Variants in PHF20 observed in about 807,000 individuals in gnomAD.
PHF20 encodes the protein PHD finger protein 20, also known as glioma-expressed antigen 2.
PHF20 carries 23 observed loss-of-function variants against 113.5 expected under a neutral mutation model. The ratio of observed to expected loss-of-function variants is 0.20; its 90% CI spans 0.15 to 0.29. The LOEUF is 0.29. Among genes scored for constraint, PHF20 ranks in the 10% least tolerant of loss-of-function variants. PHF20 has a pLI of 1.00. For synonymous variants in PHF20, 434 were observed against 457.3 expected (o/e 0.95, Z 0.65); for missense variants, 943 against 1,219.6 (o/e 0.77, Z 3.38).
At chr20:35,817,939 C>G (rs1461056920) in intron 2 of PHF20, among the ~76,000 whole-genome samples, 1 of 151,764 alleles carries the variant, frequency 6.6e-6, no homozygotes, top group Non-Finnish European at 1.5e-5. Flanking sequence ...AAAACCCCAT[C>G]TCTACAAAAA....
chr20:35,842,230 C>T (rs989915419), intron 2 of PHF20, among the ~76,000 whole-genome samples: 3 of 152,016 alleles, frequency 2.0e-5, no homozygotes, highest in African/African-American at 7.2e-5. Flanking sequence ...CTGTAATCCC[C>T]GCTACTCGGG....
chr20:35,875,488 G>A (rs574034002), intron 9 of PHF20, among the ~76,000 whole-genome samples: 7 of 152,058 alleles, frequency 4.6e-5, no homozygotes, highest in African/African-American at 1.4e-4. Context: ...GTCTAGCTTC[G>A]TCCATAGTGT....
At chr20:35,847,513 AG>A in intron 4 of PHF20, 79 bp downstream of exon 4, 2 of 888,702 alleles carry the variant, frequency 2.3e-6, no homozygotes, top group Non-Finnish European at 3.7e-6. Flanking sequence ...AGAGCTTGAT[AG>A]TATATTTTCA....
At position 35,787,712 on chromosome 20, in the gene PHF20, G is replaced by A. The variant is rs960846894; in HGVS notation, c.-32-13779G>A. ...ATGTTGGTCAGGCTGGTCTCGCTCT[G>A]TGCCCACCTCTGCCTCTCAAAGTGC... On this transcript the variant is annotated intron_variant, in intron 1 of 17. Transcript: ENST00000374012. Among the ~76,000 whole-genome samples the A allele has an allele frequency of 9.6e-5, 14 of 145,208 alleles. No homozygotes were observed. In the South Asian group the frequency reaches 2.9e-3, roughly 30 times the overall value.
intron 6 of PHF20, among the ~76,000 whole-genome samples, chr20:35,863,958 G>C (rs1376122702): frequency 9.9e-5 from 15 of 152,132 alleles, no homozygotes; most frequent in Admixed American, 9.8e-4. Context: ...AGGTTAGAGG[G>C]TATAGATTTA....
chr20:35,841,773 AAAC>A (rs2042539782), intron 2 of PHF20, among the ~76,000 whole-genome samples: 1 of 137,114 alleles, frequency 7.3e-6, no homozygotes, highest in African/African-American at 3.0e-5. Flanking sequence ...TGTCTCAAAA[AAAC>A]AAACAAACAA....
intron 15 of PHF20, among the ~76,000 whole-genome samples, chr20:35,933,497 C>T (rs1011276897): frequency 1.1e-4 from 16 of 151,860 alleles, no homozygotes; most frequent in Admixed American, 3.3e-4. Context: ...CCTGGGTTCA[C>T]GCCATTCTCC....
At chr20:35,871,186 A>T in intron 8 of PHF20, 52 bp downstream of exon 8, 1 of 1,384,558 alleles carries the variant, frequency 7.2e-7, no homozygotes, top group Non-Finnish European at 1.0e-6. Context: ...CTATTTAGTG[A>T]GAATCAATGT....
chr20:35,906,718 A>G (rs2055206841), intron 10 of PHF20, among the ~76,000 whole-genome samples: 1 of 152,058 alleles, frequency 6.6e-6, no homozygotes, highest in Admixed American at 6.5e-5. Context: ...GCCACACATC[A>G]CTTCTTGTAT....
intron 1 of PHF20, among the ~76,000 whole-genome samples, chr20:35,775,585 C>G (rs931919411): frequency 6.6e-6 from 1 of 151,882 alleles, no homozygotes; most frequent in African/African-American, 2.4e-5. Context: ...GAAACCCTGT[C>G]TCTACTAAAA....
intron 4 of PHF20, among the ~76,000 whole-genome samples, chr20:35,852,678 A>C (rs367626788): frequency 2.0e-5 from 3 of 150,444 alleles, no homozygotes; most frequent in African/African-American, 7.4e-5. Flanking sequence ...AGCTCACTGC[A>C]ACCTCCGCCT....
intron 2 of PHF20, among the ~76,000 whole-genome samples, chr20:35,826,738 G>A (rs2042269183): frequency 6.6e-6 from 1 of 152,162 alleles, no homozygotes; most frequent in African/African-American, 2.4e-5. Flanking sequence ...TGTTCATTCT[G>A]TCATAAGATA....
intron 10 of PHF20, among the ~76,000 whole-genome samples, chr20:35,901,052 G>A (rs558964406): frequency 1.3e-5 from 2 of 152,070 alleles, no homozygotes; most frequent in Non-Finnish European, 2.9e-5. Context: ...TGGTTATACA[G>A]GTGTGTTCAT....
intron 1 of PHF20, among the ~76,000 whole-genome samples, chr20:35,799,460 T>C (rs1384610793): frequency 6.6e-6 from 1 of 151,750 alleles, no homozygotes; most frequent in Non-Finnish European, 1.5e-5. Flanking sequence ...AATGAGACCC[T>C]GTCTAAAAAA....
chr20:35,903,377 GT>G (rs2055140625), intron 10 of PHF20, among the ~76,000 whole-genome samples: 1 of 152,018 alleles, frequency 6.6e-6, no homozygotes. Flanking sequence ...AAGTCCTTAT[GT>G]TTTAATTTGT....
At chr20:35,945,302 G>A (rs1038721908) in intron 17 of PHF20, among the ~76,000 whole-genome samples, 1 of 152,148 alleles carries the variant, frequency 6.6e-6, no homozygotes, top group East Asian at 1.9e-4. Flanking sequence ...CTTTGCCCTC[G>A]TGGAACTTGA....
chr20:35,827,570 G>A (rs1034181500), intron 2 of PHF20, among the ~76,000 whole-genome samples: 1 of 152,090 alleles, frequency 6.6e-6, no homozygotes, highest in South Asian at 2.1e-4. Context: ...GGATCATGAG[G>A]TCAGGAGATC....
chr20:35,825,593 T>TA (rs1430467455), intron 2 of PHF20, among the ~76,000 whole-genome samples: 1 of 152,154 alleles, frequency 6.6e-6, no homozygotes, highest in Non-Finnish European at 1.5e-5. Flanking sequence ...CCTGGCTCCT[T>TA]AAAGGTATAA....
At chr20:35,906,159 AG>A (rs2055196901) in intron 10 of PHF20, among the ~76,000 whole-genome samples, 1 of 152,232 alleles carries the variant, frequency 6.6e-6, no homozygotes, top group African/African-American at 2.4e-5. Context: ...CCTCAGTTTT[AG>A]GCCAAAGTGA....
Sources: gnomAD v4.1 joint callset for allele counts (sites outside exome capture counted in the v4.1 genomes callset) on GRCh38, gnomAD v4.1.1 for gene constraint, MANE v1.5 for transcripts, NCBI Gene and HGNC (gene_info 2026-07-23, HGNC 2026-07-21) for gene names.